COL5A1: variants seen among roughly 807,000 people sequenced by gnomAD.
COL5A1 encodes collagen type V alpha 1 chain.
In COL5A1, 16 loss-of-function variants were observed where a neutral mutation model predicts 263.7. That is an observed-to-expected ratio of 0.06 (90% CI 0.04 to 0.09). The LOEUF (loss-of-function observed/expected upper bound fraction) is 0.09, where lower values mean the gene tolerates loss of function less well. Among genes scored for constraint, COL5A1 ranks in the 10% least tolerant of loss-of-function variants. The pLI is 1.00. For missense variants in COL5A1, 2,036 were observed against 2,540.5 expected, an observed-to-expected ratio of 0.80 and a Z score of 4.27; for synonymous variants, 1,012 against 1,004.5, an observed-to-expected ratio of 1.01 and a Z score of -0.14.
intron 11 of COL5A1, among the ~76,000 whole-genome samples, chr9:134,749,416 G>A (rs534638570): frequency 1.4e-3 from 217 of 152,310 alleles, no homozygotes; most frequent in African/African-American, 4.9e-3. Context: ...TGTACCTTAA[G>A]CCATTTCACA....
At position 134,642,135 on chromosome 9, in the gene COL5A1, G is replaced by A; in HGVS notation, c.-53G>A. On this transcript the variant is annotated 5_prime_UTR_variant, in exon 1 of 66. Coordinates refer to ENST00000371817, the MANE Select transcript of COL5A1 (RefSeq NM_000093.5). This position sits in a 1 kb window ranked among gnomAD's most constrained non-coding sequence, Gnocchi z 4.5. ...CGGGCCGTGACCCGCGCCCCTGTGC[G>A]TCCCCGCGCGCCTCCGAGCGCCCCT... The A allele has an allele frequency of 8.1e-7, 1 of 1,234,986 alleles. No homozygotes were observed. The allele number at this position is 1,234,986 out of a possible 1,614,324, so 76.5% of individuals were successfully genotyped here.
At chr9:134,753,925 G>A (rs767939348) in intron 15 of COL5A1, 22 bp downstream of exon 15, 6 of 1,607,878 alleles carry the variant, frequency 3.7e-6, no homozygotes, top group East Asian at 2.2e-5. Flanking sequence ...CCTTGCCTTC[G>A]CTGTCTGGTG....
At chr9:134,651,245 A>G (rs749089094) in intron 1 of COL5A1, among the ~76,000 whole-genome samples, 7 of 152,248 alleles carry the variant, frequency 4.6e-5, no homozygotes, top group Admixed American at 3.3e-4. Context: ...AATAAATGCC[A>G]TAAAATGACA....
At chr9:134,715,306 C>G (rs190322502) in intron 4 of COL5A1, among the ~76,000 whole-genome samples, 5 of 152,296 alleles carry the variant, frequency 3.3e-5, no homozygotes, top group Admixed American at 6.5e-5. Context: ...TGTCTCACCT[C>G]CAGCCCTAAG....
intron 9 of COL5A1, among the ~76,000 whole-genome samples, chr9:134,738,011 G>C (rs1835165410): frequency 6.6e-6 from 1 of 152,108 alleles, no homozygotes. Context: ...TCCTGGCTGG[G>C]GACAGAAGTT....
At chr9:134,777,924 C>T (rs895439893) in intron 27 of COL5A1, among the ~76,000 whole-genome samples, 4 of 152,246 alleles carry the variant, frequency 2.6e-5, no homozygotes, top group African/African-American at 7.2e-5. Flanking sequence ...ATTGTATTCT[C>T]AGCCACACCT....
At chr9:134,734,091 G>A (rs1447990453) in intron 9 of COL5A1, among the ~76,000 whole-genome samples, 1 of 151,796 alleles carries the variant, frequency 6.6e-6, no homozygotes, top group Non-Finnish European at 1.5e-5. Flanking sequence ...GAGTGTAGAC[G>A]TGGTGTCTGG....
chr9:134,796,295 T>G, intron 34 of COL5A1, 79 bp from the exon 35 acceptor site: 1 of 1,498,326 alleles, frequency 6.7e-7, no homozygotes, highest in Non-Finnish European at 9.3e-7. Flanking sequence ...TCAGACGTTT[T>G]GATGACGTTG....
chr9:134,840,405 T>C (rs771926560), intron 65 of COL5A1, among the ~76,000 whole-genome samples: 6 of 152,206 alleles, frequency 3.9e-5, no homozygotes, highest in Non-Finnish European at 7.3e-5. Flanking sequence ...TCATTCCTTC[T>C]CACAGCGCCT....
intron 4 of COL5A1, among the ~76,000 whole-genome samples, chr9:134,720,825 G>T (rs953944292): frequency 2.6e-5 from 4 of 152,200 alleles, no homozygotes; most frequent in Non-Finnish European, 4.4e-5. Flanking sequence ...GACTCTGAGT[G>T]AATGTTCCAG....
chr9:134,828,380 A>C (rs1839382600), intron 63 of COL5A1, among the ~76,000 whole-genome samples: 2 of 152,102 alleles, frequency 1.3e-5, no homozygotes, highest in South Asian at 4.1e-4. Context: ...TGATCCAGGC[A>C]GGCAGCCGAG....
At chr9:134,769,206 C>T (rs1836787770) in intron 25 of COL5A1, among the ~76,000 whole-genome samples, 1 of 152,210 alleles carries the variant, frequency 6.6e-6, no homozygotes, top group African/African-American at 2.4e-5. Context: ...AAAAACTAAA[C>T]AAGGAAGTTA....
intron 3 of COL5A1, 103 bp from the exon 4 acceptor site, chr9:134,701,068 C>T (rs1833655708): frequency 4.1e-6 from 5 of 1,206,898 alleles, no homozygotes; most frequent in Non-Finnish European, 6.0e-6. Flanking sequence ...CACGATCGTG[C>T]AGGAAGTGGG....
At chr9:134,809,107 TC>T in intron 42 of COL5A1, 75 bp from the exon 43 acceptor site, 2 of 1,252,020 alleles carry the variant, frequency 1.6e-6, no homozygotes, top group Non-Finnish European at 2.3e-6. Context: ...CGGATCCCTC[TC>T]TTGGGTAATG....
At chr9:134,822,723 C>CCT (rs1030757119) in intron 59 of COL5A1, among the ~76,000 whole-genome samples, 1 of 150,476 alleles carries the variant, frequency 6.6e-6, no homozygotes, top group African/African-American at 2.5e-5. Flanking sequence ...CCGCTGCGCC[C>CCT]CCCCCGCGGC....
chr9:134,765,985 T>C lies in COL5A1; in HGVS notation c.2088+251T>C, dbSNP rs1836647964. Among the ~76,000 whole-genome samples the C allele has an allele frequency of 6.6e-6, 1 of 152,232 alleles. No individual in the cohort carries two copies. The highest frequency in any genetic ancestry group is 1.5e-5 in the Non-Finnish European group (1 of 68,030). On this transcript the variant is annotated intron_variant, in intron 21 of 65. Coordinates refer to ENST00000371817, the MANE Select transcript of COL5A1 (RefSeq NM_000093.5). This position sits in a 1 kb window ranked among gnomAD's most constrained non-coding sequence, Gnocchi z 5.1. The stretch of plus-strand genomic sequence containing the variant: ...CGCCTCCGCTTCACCCTGGCTGCAC[T>C]TCCTCCTGGCAGACAGCATGTGCTA...
At chr9:134,769,314 G>C (rs1039774286) in intron 25 of COL5A1, among the ~76,000 whole-genome samples, 13 of 152,134 alleles carry the variant, frequency 8.5e-5, no homozygotes, top group African/African-American at 3.1e-4. Context: ...GCCCTTTCTT[G>C]GTCAGAAGAA....
rs1349311532 is a variant in COL5A1 at position 134,789,268 on chromosome 9, T to TTGG, written c.2700+62_2700+64dup. 1 of 1,432,254 alleles carries TTGG rather than the reference T, an allele frequency of 7.0e-7. No homozygotes were observed. The highest frequency in any genetic ancestry group is 2.3e-5 in the East Asian group (1 of 43,932). The allele number at this position is 1,432,254 out of a possible 1,614,324, so 88.7% of individuals were successfully genotyped here. ...TTCGGCTGCCTCGGTGCCTAGCAAG[T>TTGG]TGGTTCTCCAGCCGACGGCCTGTTT... On this transcript the variant is annotated intron_variant, in intron 32 of 65. Coordinates refer to ENST00000371817, the MANE Select transcript of COL5A1 (RefSeq NM_000093.5). This position sits in a 1 kb window ranked among gnomAD's most constrained non-coding sequence, Gnocchi z 4.8.
At chr9:134,759,747 A>G (rs1218994999) in intron 18 of COL5A1, among the ~76,000 whole-genome samples, 1 of 80,672 alleles carries the variant, frequency 1.2e-5, no homozygotes, top group African/African-American at 5.5e-5. Flanking sequence ...CACACACCAC[A>G]CATGCACACA....
Sources: allele counts gnomAD v4.1 joint callset (sites outside exome capture counted in the v4.1 genomes callset), GRCh38; gene constraint gnomAD v4.1.1; non-coding constraint Gnocchi (gnomAD v3.1); transcripts MANE v1.5; gene names NCBI Gene and HGNC (gene_info 2026-07-23, HGNC 2026-07-21).